The following RASSF3 variants were observed in gnomAD, a reference collection of about 807,000 sequenced individuals.
RASSF3 encodes the protein ras association domain-containing protein 3.
Under a neutral mutation model 19.9 loss-of-function variants are expected in RASSF3, and 19 were observed. The ratio of observed to expected loss-of-function variants is 0.96; its 90% CI spans 0.67 to 1.40. The LOEUF is 1.40. RASSF3 is among the 40% of genes most tolerant of loss of function. RASSF3 has a pLI of 0.00. For synonymous variants in RASSF3, 110 were observed against 104.2 expected, an observed-to-expected ratio of 1.06 and a Z score of -0.34; for missense variants, 306 against 289.8, an observed-to-expected ratio of 1.06 and a Z score of -0.41.
intron 2 of RASSF3, among the ~76,000 whole-genome samples, chr12:64,557,569 A>C (rs1213115915): frequency 6.6e-6 from 1 of 152,144 alleles, no homozygotes; most frequent in Non-Finnish European, 1.5e-5. Context: ...CTAGAGTTGT[A>C]GGGATGGGAA....
At chr12:64,522,496 G>A (rs1868499781) in intron 1 of RASSF3, among the ~76,000 whole-genome samples, 1 of 151,788 alleles carries the variant, frequency 6.6e-6, no homozygotes, top group South Asian at 2.1e-4. Flanking sequence ...AGCCCAGCAC[G>A]TTCACAAAAG....
At chr12:64,568,624 G>A (rs919342410) in intron 2 of RASSF3, among the ~76,000 whole-genome samples, 2 of 152,034 alleles carry the variant, frequency 1.3e-5, no homozygotes, top group Non-Finnish European at 2.9e-5. Flanking sequence ...GTTTGGTGGG[G>A]TTCGGTTCTA....
chr12:64,549,209 C>A (rs1565837318), intron 2 of RASSF3, among the ~76,000 whole-genome samples: 2 of 152,174 alleles, frequency 1.3e-5, no homozygotes, highest in Non-Finnish European at 2.9e-5. Context: ...TGTTCTTCTG[C>A]CAGTTGTAGA....
chr12:64,684,938 C>G, intron 2 of RASSF3, 44 bp downstream of exon 2: 1 of 1,135,344 alleles, frequency 8.8e-7, no homozygotes. Flanking sequence ...TGTCAAAAGA[C>G]AAATATAAAT....
upstream of RASSF3, among the ~76,000 whole-genome samples, chr12:64,528,424 T>C (rs1565833091): frequency 6.6e-6 from 1 of 152,200 alleles, no homozygotes; most frequent in Non-Finnish European, 1.5e-5. Context: ...AGTGGTTAAG[T>C]GGATTTTCAA....
chr12:64,520,290 G>A (rs1234957731), intron 1 of RASSF3, among the ~76,000 whole-genome samples: 3 of 150,850 alleles, frequency 2.0e-5, no homozygotes, highest in Non-Finnish European at 4.4e-5. Flanking sequence ...TGCCTCCCAA[G>A]TAGCTGGGAC....
intron 2 of RASSF3, among the ~76,000 whole-genome samples, chr12:64,597,288 G>A (rs541121775): frequency 5.3e-5 from 8 of 150,420 alleles, no homozygotes; most frequent in East Asian, 4.0e-4. Context: ...ATGCACCACC[G>A]TACCCAGCTA....
intron 2 of RASSF3, among the ~76,000 whole-genome samples, chr12:64,591,051 G>A (rs903076210): frequency 1.1e-4 from 16 of 152,252 alleles, no homozygotes; most frequent in African/African-American, 3.9e-4. Flanking sequence ...GAAGATGAAA[G>A]GATGCTAAGA....
chr12:64,529,209 T>TA (rs1231136296), upstream of RASSF3, among the ~76,000 whole-genome samples: 2 of 152,230 alleles, frequency 1.3e-5, no homozygotes, highest in Non-Finnish European at 2.9e-5. Flanking sequence ...TCCACAATTC[T>TA]AAGTATCTTT....
intron 1 of RASSF3, among the ~76,000 whole-genome samples, chr12:64,625,402 TTTG>T (rs1870951773): frequency 6.6e-6 from 1 of 152,100 alleles, no homozygotes; most frequent in Admixed American, 6.6e-5. Context: ...AAAGTGTGGT[TTTG>T]TTTGCCCAAG....
upstream of RASSF3, among the ~76,000 whole-genome samples, chr12:64,608,198 T>C (rs565106423): frequency 2.0e-5 from 3 of 152,272 alleles, no homozygotes; most frequent in Non-Finnish European, 4.4e-5. Context: ...CACTCAATCA[T>C]GCCTTTTTAT....
chr12:64,633,391 T>TA (rs548723019), intron 1 of RASSF3, among the ~76,000 whole-genome samples: 82 of 152,272 alleles, frequency 5.4e-4, no homozygotes, highest in African/African-American at 1.8e-3. Context: ...TCCTTGGTGA[T>TA]ATGTGAGTTC....
chr12:64,575,215 G>C (rs1051450219), intron 2 of RASSF3, among the ~76,000 whole-genome samples: 2 of 152,184 alleles, frequency 1.3e-5, no homozygotes, highest in Admixed American at 6.5e-5. Context: ...CCAATTGTAT[G>C]TTCTATATAC....
At chr12:64,618,906 C>G (rs148300256) in intron 1 of RASSF3, among the ~76,000 whole-genome samples, 1,616 of 150,898 alleles carry the variant, frequency 0.011, 11 homozygotes, top group Middle Eastern at 0.034. Flanking sequence ...AGAAATGTAC[C>G]CTAAAACTTA....
intron 2 of RASSF3, among the ~76,000 whole-genome samples, chr12:64,570,060 C>G (rs1358001883): frequency 6.6e-6 from 1 of 152,180 alleles, no homozygotes; most frequent in East Asian, 1.9e-4. Flanking sequence ...CTTCTCCTCA[C>G]CCCTTAAGCT....
At chr12:64,607,516 T>G (rs2136149926), upstream of RASSF3, among the ~76,000 whole-genome samples, 1 of 151,972 alleles carries the variant, frequency 6.6e-6, no homozygotes, top group South Asian at 2.1e-4. Context: ...ACAACAGGCA[T>G]GTGCCATCAT....
intron 1 of RASSF3, among the ~76,000 whole-genome samples, chr12:64,636,865 CAA>C (rs762865541): frequency 3.1e-4 from 20 of 63,500 alleles, no homozygotes; most frequent in Admixed American, 3.9e-4. Context: ...AACTCCGTCT[CAA>C]AAAAAAAAAA....
chr12:64,623,304 AGG>A (rs1401487173), intron 1 of RASSF3, among the ~76,000 whole-genome samples: 8 of 152,370 alleles, frequency 5.3e-5, no homozygotes, highest in East Asian at 3.9e-4. Context: ...TACAGTTAAC[AGG>A]GCATTCCAAG....
intron 1 of RASSF3, among the ~76,000 whole-genome samples, chr12:64,617,029 A>T (rs762011042): frequency 1.3e-5 from 2 of 152,202 alleles, no homozygotes; most frequent in East Asian, 1.9e-4. Context: ...TACCTACTAC[A>T]TAATATAAAT....
Sources: allele counts gnomAD v4.1 joint callset (sites outside exome capture counted in the v4.1 genomes callset), GRCh38; gene constraint gnomAD v4.1.1; transcripts MANE v1.5; gene names NCBI Gene and HGNC (gene_info 2026-07-23, HGNC 2026-07-21).